The following SP140 variants were observed in gnomAD, a reference collection of about 807,000 sequenced individuals.
The protein encoded by SP140 is nuclear body protein SP140.
Under a neutral mutation model 125.0 loss-of-function variants are expected in SP140, and 81 were observed. The ratio of observed to expected loss-of-function variants is 0.65; its 90% confidence interval spans 0.54 to 0.78. The LOEUF is 0.78. Among genes scored for constraint, SP140 ranks in the 30% least tolerant of loss-of-function variants. The pLI, the probability that SP140 is intolerant of heterozygous loss-of-function variation, is 0.00. For synonymous variants in SP140, 312 were observed against 354.0 expected (o/e 0.88, Z 1.33); for missense variants, 858 against 1,037.0 (o/e 0.83, Z 2.37).
At chr2:230,200,600 G>T (rs2043085968), upstream of SP140, 1 of 477,990 alleles carries the variant, frequency 2.1e-6, no homozygotes, top group African/African-American at 2.0e-5. Flanking sequence ...CAGTAATGGT[G>T]ATATTGCTGC....
upstream of SP140, among the ~76,000 whole-genome samples, chr2:230,199,130 A>G (rs1377453054): frequency 7.9e-6 from 1 of 126,688 alleles, no homozygotes; most frequent in African/African-American, 3.7e-5. Context: ...TTTAGCTACT[A>G]TTATTATTAT....
downstream of SP140, among the ~76,000 whole-genome samples, chr2:230,316,336 T>C (rs982904613): frequency 6.6e-6 from 1 of 152,158 alleles, no homozygotes; most frequent in African/African-American, 2.4e-5. Context: ...TTGCAGCTCA[T>C]ACCTCCTACC....
At chr2:230,281,269 A>C (rs2055500901) in intron 15 of SP140, among the ~76,000 whole-genome samples, 1 of 152,188 alleles carries the variant, frequency 6.6e-6, no homozygotes, top group African/African-American at 2.4e-5. Context: ...TCACTTTTCT[A>C]TTCATCTATG....
chr2:230,303,954 A>T (rs2058531823), intron 22 of SP140, among the ~76,000 whole-genome samples: 1 of 152,226 alleles, frequency 6.6e-6, no homozygotes, highest in Non-Finnish European at 1.5e-5. Flanking sequence ...ATCAGTAAAG[A>T]GGAAGTCAAA....
chr2:230,193,307 T>G, the SP140 span, among the ~76,000 whole-genome samples: 1 of 152,230 alleles, frequency 6.6e-6, no homozygotes, highest in African/African-American at 2.4e-5. Flanking sequence ...GTATCCATTC[T>G]GCCAATCTGT....
At chr2:230,249,658 A>G (rs1188442900) in intron 9 of SP140, among the ~76,000 whole-genome samples, 1 of 152,216 alleles carries the variant, frequency 6.6e-6, no homozygotes, top group Non-Finnish European at 1.5e-5. Context: ...AGCAAATACA[A>G]TAACAACAGC....
In SP140 at chr2:230,310,042, A is replaced by C; in HGVS notation, c.2174+3A>C. 6.2e-7 allele frequency: 1 copy of C among 1,613,858 alleles called. No homozygotes were observed. The highest frequency in any genetic ancestry group is 8.5e-7 in the Non-Finnish European group (1 of 1,179,730). ...ATCCCGCCTGTGGAAGCTGAGAGGTAAGTGACATGCAGGCGTCTCTCTTTT... is the reference window on the plus strand; with the variant it reads ...ATCCCGCCTGTGGAAGCTGAGAGGTCAGTGACATGCAGGCGTCTCTCTTTT... On this transcript the variant is annotated splice_donor_region_variant and intron_variant, in intron 23 of 26. Coordinates refer to ENST00000392045, the MANE Select transcript of SP140 (RefSeq NM_007237.5).
chr2:230,288,152 T>C, intron 18 of SP140, 186 bp downstream of exon 18: 1 of 558,572 alleles, frequency 1.8e-6, no homozygotes. Context: ...AAGTTGGTGA[T>C]GGATCTACAA....
chr2:230,227,169 T>A (rs2046557093), intron 1 of SP140, among the ~76,000 whole-genome samples: 1 of 152,194 alleles, frequency 6.6e-6, no homozygotes, highest in South Asian at 2.1e-4. Flanking sequence ...TATGGAAACT[T>A]GTCTAATTGG....
chr2:230,303,056 A>G (rs1005130576), intron 22 of SP140, among the ~76,000 whole-genome samples: 2 of 152,218 alleles, frequency 1.3e-5, no homozygotes, highest in African/African-American at 2.4e-5. Context: ...GAAATAACAA[A>G]GATCAGAGAA....
rs1253944991 is a variant in SP140 at position 230,248,927 on chromosome 2, A to G, written c.935A>G (p.Glu312Gly). Residue 312 changes from glutamate (E) to glycine (G), a missense_variant, in exon 9 of 27, where the codon GAA becomes GGA. Physicochemically the swap from Glu to Gly is moderately conservative, Grantham distance 98 (BLOSUM62 -2). Around this residue, in one of 4 missense-constraint regions of SP140, gnomAD observed 791 missense variants for 869.5 expected, o/e 0.91. Transcript: ENST00000392045. ...ACTCCCCAAGTCACTAATGAAGGAG[A>G]ACCAGAGAAGGGGCTCTGTCTACTA... ...LKTPQVTNEG[E>G]PEKGLCLLPG... 6.2e-7 allele frequency: 1 copy of G among 1,612,884 alleles called. No individual in the cohort carries two copies. Among genetic ancestry groups the G allele is most frequent in the Middle Eastern group, 1.7e-4 (1 of 6,060 alleles).
upstream of SP140, chr2:230,202,709 G>A (rs116126913): frequency 1.9e-6 from 3 of 1,613,912 alleles, no homozygotes; most frequent in Non-Finnish European, 2.5e-6. Context: ...TTTGGATTCC[G>A]TGTCTAGATG....
intron 3 of SP140, among the ~76,000 whole-genome samples, chr2:230,216,135 T>A (rs2045145839): frequency 6.6e-6 from 1 of 152,234 alleles, no homozygotes; most frequent in South Asian, 2.1e-4. Context: ...CAATATTAGC[T>A]GTTATAAATT....
the SP140 span, among the ~76,000 whole-genome samples, chr2:230,192,433 A>G: frequency 1.3e-5 from 2 of 152,240 alleles, no homozygotes; most frequent in Admixed American, 6.5e-5. Context: ...CAACTTCAAC[A>G]AAGTCTCAGG....
intron 1 of SP140, among the ~76,000 whole-genome samples, chr2:230,206,598 TATATATATATA>T (rs1559169559): frequency 3.5e-4 from 11 of 31,310 alleles, no homozygotes; most frequent in African/African-American, 2.4e-3. Context: ...CCAGATTTTA[TATATATATATA>T]TATATATATA....
chr2:230,316,103 A>C (rs987674916), downstream of SP140, among the ~76,000 whole-genome samples: 1 of 152,192 alleles, frequency 6.6e-6, no homozygotes, highest in Non-Finnish European at 1.5e-5. Flanking sequence ...CCTTTCTGGA[A>C]ACTCTGGAAT....
At chr2:230,196,135 G>A in the SP140 span, among the ~76,000 whole-genome samples, 1 of 152,134 alleles carries the variant, frequency 6.6e-6, no homozygotes, top group African/African-American at 2.4e-5. Flanking sequence ...AAATCATTAT[G>A]TTTTCTGGAC....
chr2:230,204,176 C>G (rs72982411), intron 1 of SP140, among the ~76,000 whole-genome samples: 12,062 of 152,272 alleles, frequency 0.079, 663 homozygotes, highest in South Asian at 0.25. Context: ...CTTTCGGTAG[C>G]TTGGCAGAGA....
chr2:230,281,266 T>A (rs2055500013), intron 15 of SP140, among the ~76,000 whole-genome samples: 1 of 152,218 alleles, frequency 6.6e-6, no homozygotes, highest in Non-Finnish European at 1.5e-5. Context: ...TTATCACTTT[T>A]CTATTCATCT....
Sources: allele counts gnomAD v4.1 joint callset (sites outside exome capture counted in the v4.1 genomes callset), GRCh38; gene constraint gnomAD v4.1.1; regional missense constraint gnomAD v4.1.1; transcripts MANE v1.5; gene names NCBI Gene and HGNC (gene_info 2026-07-23, HGNC 2026-07-21).